Variants in SCFD2 observed in about 807,000 individuals in gnomAD.
SCFD2 encodes sec1 family domain containing 2.
Under a neutral mutation model 58.9 loss-of-function variants are expected in SCFD2, and 54 were observed. The ratio of observed to expected loss-of-function variants is 0.92; its 90% CI spans 0.74 to 1.15. The LOEUF (loss-of-function observed/expected upper bound fraction) is 1.15. Among genes scored for constraint, SCFD2 ranks in the 50% most tolerant of loss-of-function variants. The probability of loss-of-function intolerance (pLI) is 0.00; values close to 1 mark genes in which losing one functional copy is unlikely to be tolerated. For synonymous variants in SCFD2, 321 were observed against 335.9 expected (o/e 0.96, Z 0.49); for missense variants, 805 against 836.6 (o/e 0.96, Z 0.47).
At chr4:52,945,551 A>G (rs960384871) in intron 5 of SCFD2, 1 of 152,192 alleles carries the variant, frequency 6.6e-6, no homozygotes, top group African/African-American at 2.4e-5. Context: ...ATTAATACTT[A>G]GTGTTCATCC....
At chr4:53,339,092 A>G (rs1422319223) in intron 2 of SCFD2, among the ~76,000 whole-genome samples, 1 of 152,300 alleles carries the variant, frequency 6.6e-6, no homozygotes, top group East Asian at 1.9e-4. Flanking sequence ...TGAGAAAAAT[A>G]TAAGTAAATA....
intron 5 of SCFD2, among the ~76,000 whole-genome samples, chr4:52,937,756 G>A (rs368805546): frequency 2.4e-4 from 36 of 152,210 alleles, no homozygotes; most frequent in African/African-American, 7.7e-4. Flanking sequence ...TCAGAAGCTC[G>A]ACATGGGCAC....
intron 2 of SCFD2, among the ~76,000 whole-genome samples, chr4:53,330,830 T>C (rs923588099): frequency 6.6e-6 from 1 of 152,038 alleles, no homozygotes; most frequent in Non-Finnish European, 1.5e-5. Context: ...GACCCATCAG[T>C]GTGCTGTATT....
intron 5 of SCFD2, among the ~76,000 whole-genome samples, chr4:53,096,029 TCCCTA>T (rs1444927218): frequency 6.6e-6 from 1 of 152,242 alleles, no homozygotes; most frequent in East Asian, 1.9e-4. Context: ...TTCATCCATG[TCCCTA>T]CAAAGGACAT....
chr4:53,216,711 C>A (rs1341707120), intron 4 of SCFD2, among the ~76,000 whole-genome samples: 2 of 152,132 alleles, frequency 1.3e-5, no homozygotes, highest in Non-Finnish European at 2.9e-5. Context: ...TTTGCTCTTG[C>A]TTCTCTAGTT....
intron 8 of SCFD2, 151 bp downstream of exon 8, chr4:52,885,596 C>G (rs2109447084): frequency 1.2e-6 from 1 of 827,228 alleles, no homozygotes; most frequent in East Asian, 2.6e-5. Context: ...CATTGTGAAA[C>G]AGGCGGTAGC....
chr4:52,913,019 G>C (rs1719521530), intron 6 of SCFD2, among the ~76,000 whole-genome samples: 1 of 152,182 alleles, frequency 6.6e-6, no homozygotes, highest in Non-Finnish European at 1.5e-5. Flanking sequence ...AACACTCTCT[G>C]CCAGTTCACC....
chr4:52,988,185 G>A (rs1035777296), intron 5 of SCFD2, among the ~76,000 whole-genome samples: 1 of 152,192 alleles, frequency 6.6e-6, no homozygotes, highest in Non-Finnish European at 1.5e-5. Flanking sequence ...CACAGAAGCT[G>A]GGAGAGAGAA....
At chr4:53,053,036 C>T (rs1458524224) in intron 5 of SCFD2, among the ~76,000 whole-genome samples, 2 of 152,034 alleles carry the variant, frequency 1.3e-5, no homozygotes, top group Non-Finnish European at 2.9e-5. Context: ...AGCCTGTTCA[C>T]CAACATGGTG....
At chr4:53,334,902 G>A (rs1348071033) in intron 2 of SCFD2, among the ~76,000 whole-genome samples, 1 of 151,986 alleles carries the variant, frequency 6.6e-6, no homozygotes, top group Non-Finnish European at 1.5e-5. Context: ...CACCTGATGG[G>A]ATGCAATAAA....
At chr4:53,145,881 C>G (rs1434560026) in intron 4 of SCFD2, among the ~76,000 whole-genome samples, 1 of 151,980 alleles carries the variant, frequency 6.6e-6, no homozygotes, top group African/African-American at 2.4e-5. Flanking sequence ...AAAGTAAGTA[C>G]TTCAGATGAA....
At chr4:53,203,908 G>T (rs554975933) in intron 4 of SCFD2, among the ~76,000 whole-genome samples, 1 of 152,220 alleles carries the variant, frequency 6.6e-6, no homozygotes, top group East Asian at 1.9e-4. Context: ...TCACATTTTG[G>T]TCTAGGAATT....
At chr4:53,353,228 GT>G (rs762099688) in intron 1 of SCFD2, among the ~76,000 whole-genome samples, 3 of 152,112 alleles carry the variant, frequency 2.0e-5, no homozygotes, top group Non-Finnish European at 4.4e-5. Flanking sequence ...CGCGGTGAGT[GT>G]TACAGCTCTT....
intron 5 of SCFD2, among the ~76,000 whole-genome samples, chr4:53,042,245 A>G (rs1480923721): frequency 6.6e-6 from 1 of 152,200 alleles, no homozygotes; most frequent in Non-Finnish European, 1.5e-5. Flanking sequence ...GGAAATGCGT[A>G]AAATCATTTC....
intron 5 of SCFD2, among the ~76,000 whole-genome samples, chr4:52,994,734 T>C (rs1433903559): frequency 6.6e-6 from 1 of 152,220 alleles, no homozygotes; most frequent in African/African-American, 2.4e-5. Context: ...GACACTGACA[T>C]AGTTTCTGTC....
intron 5 of SCFD2, among the ~76,000 whole-genome samples, chr4:52,936,604 C>A (rs536690563): frequency 1.3e-4 from 20 of 152,290 alleles, no homozygotes; most frequent in Admixed American, 1.2e-3. Context: ...TCAGTTCTCT[C>A]CTCAAGCCTT....
chr4:52,917,421 C>A (rs1440404748), intron 6 of SCFD2, among the ~76,000 whole-genome samples: 1 of 152,130 alleles, frequency 6.6e-6, no homozygotes, highest in Non-Finnish European at 1.5e-5. Context: ...GTGCTAAGTT[C>A]TCTCTCACTA....
At chr4:52,893,422 GTTCAGCTC>G (rs1301912251) in intron 7 of SCFD2, among the ~76,000 whole-genome samples, 1 of 152,166 alleles carries the variant, frequency 6.6e-6, no homozygotes, top group Non-Finnish European at 1.5e-5. Context: ...TCCAAGGCAT[GTTCAGCTC>G]TCACCATCCA....
At chr4:52,889,696 A>C (rs1327791530) in intron 7 of SCFD2, among the ~76,000 whole-genome samples, 1 of 152,244 alleles carries the variant, frequency 6.6e-6, no homozygotes, top group Non-Finnish European at 1.5e-5. Context: ...TGCTCCATTA[A>C]TTTTAAAGTA....
Sources: gnomAD v4.1 joint callset for allele counts (sites outside exome capture counted in the v4.1 genomes callset) on GRCh38, gnomAD v4.1.1 for gene constraint, MANE v1.5 for transcripts, NCBI Gene and HGNC (gene_info 2026-07-23, HGNC 2026-07-21) for gene names.